The following EML6 variants were observed in gnomAD, a reference collection of about 807,000 sequenced individuals.
EML6 encodes the protein EMAP like 6.
In EML6, 154 loss-of-function variants were observed where a neutral mutation model predicts 240.1. That is an observed-to-expected ratio of 0.64 (90% CI 0.56 to 0.73). The LOEUF (loss-of-function observed/expected upper bound fraction) is 0.73. EML6 is among the 30% of genes least tolerant of loss of function. EML6 has a pLI of 0.00. For missense variants in EML6, 2,964 were observed against 2,474.6 expected (o/e 1.20, Z -4.20); for synonymous variants, 1,148 against 899.0 (o/e 1.28, Z -4.95).
intron 2 of EML6, among the ~76,000 whole-genome samples, chr2:54,782,742 T>C (rs1668906932): frequency 6.6e-6 from 1 of 151,908 alleles, no homozygotes; most frequent in East Asian, 1.9e-4. Context: ...CCCTCATTCA[T>C]TGTTCATCCC....
In EML6 at chr2:54,847,560, G is replaced by T; in HGVS notation, c.1124G>T (p.Ser375Ile). Reference protein sequence around the residue: ...MEEAVRSVAFSPDGSQLALGM... With the variant: ...MEEAVRSVAFIPDGSQLALGM... ...GAGGCGGTTCGCAGTGTAGCTTTCA[G>T]CCCCGACGGATCTCAGCTGGCCCTG... Residue 375 changes from serine to isoleucine, a missense_variant, in exon 9 of 42, where the codon AGC (serine) becomes ATC (isoleucine). Transcript: ENST00000356458. 1 of 1,552,318 alleles carries T rather than the reference G, an allele frequency of 6.4e-7. No homozygotes were observed. Among genetic ancestry groups the T allele is most frequent in the Non-Finnish European group, 8.7e-7 (1 of 1,147,128 alleles).
intron 24 of EML6, among the ~76,000 whole-genome samples, chr2:54,904,743 C>T (rs1048815169): frequency 3.9e-5 from 6 of 152,110 alleles, no homozygotes; most frequent in Admixed American, 1.3e-4. Flanking sequence ...AGGGATCTAG[C>T]GTGGGGCATT....
At chr2:54,811,424 CGT>C in intron 2 of EML6, among the ~76,000 whole-genome samples, 1 of 152,294 alleles carries the variant, frequency 6.6e-6, no homozygotes, top group East Asian at 1.9e-4. Flanking sequence ...CATATGAACT[CGT>C]GTCTTCCCTA....
At chr2:54,913,329 C>A (rs1051749466) in intron 25 of EML6, among the ~76,000 whole-genome samples, 2 of 151,354 alleles carry the variant, frequency 1.3e-5, no homozygotes, top group Non-Finnish European at 1.5e-5. Context: ...CTCACTGTAA[C>A]CTTGACTTGC....
rs552094228 is a variant in EML6, at chr2:54,822,854, AC to A, written c.525+2393del. Among the ~76,000 whole-genome samples, 6 of 152,330 alleles carry A rather than the reference AC, an allele frequency of 3.9e-5. No homozygotes were observed. The East Asian group carries it at 1.2e-3, about 29-fold the overall frequency. On this transcript the variant is annotated intron_variant, in intron 5 of 41. Coordinates refer to ENST00000356458, the MANE Select transcript of EML6 (RefSeq NM_001039753.4). ...ATAAGAAAAAATTTAAAAATGGAGA[AC>A]AAAAATTTTAGAGGTTCCACTACTC... is the stretch of plus-strand genomic sequence containing the variant.
intron 21 of EML6, 27 bp from the exon 22 acceptor site, chr2:54,899,614 T>C (rs750733976): frequency 1.9e-6 from 3 of 1,550,158 alleles, no homozygotes; most frequent in South Asian, 1.2e-5. Flanking sequence ...AAGTAGAGTT[T>C]ATGTTGCCCC....
At chr2:54,845,556 A>T (rs1669706692) in intron 8 of EML6, among the ~76,000 whole-genome samples, 1 of 152,202 alleles carries the variant, frequency 6.6e-6, no homozygotes, top group Non-Finnish European at 1.5e-5. Context: ...TAAAAGTCAT[A>T]ATTTCTTGAG....
chr2:54,903,370 G>A lies in EML6; in HGVS notation c.3278-1G>A. The A allele has an allele frequency of 6.4e-7, 1 of 1,551,044 alleles. No homozygotes were observed. The highest frequency in any genetic ancestry group is 8.7e-7 in the Non-Finnish European group (1 of 1,146,808). ...TGTTAACCCCACATTTTTCTTAACA[G>A]ATACGGGAAAATACCTTGCCGTGGC... On this transcript the variant is annotated splice_acceptor_variant, in intron 23 of 41. Coordinates refer to ENST00000356458, the MANE Select transcript of EML6 (RefSeq NM_001039753.4). LOFTEE classifies it high-confidence loss of function.
intron 14 of EML6, chr2:54,868,181 T>C (rs1671071155): frequency 6.6e-6 from 1 of 152,236 alleles, no homozygotes; most frequent in Admixed American, 6.5e-5. Context: ...AAATTTTTTT[T>C]TCTAATATGG....
chr2:54,962,411 G>A (rs904827722), intron 35 of EML6, 112 bp from the exon 36 acceptor site: 8 of 822,444 alleles, frequency 9.7e-6, no homozygotes, highest in African/African-American at 3.5e-5. Flanking sequence ...CCCATTCACC[G>A]GCAGTCATCA....
chr2:54,879,014 C>T (rs1416053277), intron 16 of EML6, among the ~76,000 whole-genome samples: 2 of 152,148 alleles, frequency 1.3e-5, no homozygotes, highest in East Asian at 1.9e-4. Flanking sequence ...ATTGTAAAAT[C>T]ATCTTTTGAA....
At chr2:54,782,787 T>C (rs1028793103) in intron 2 of EML6, among the ~76,000 whole-genome samples, 5 of 152,126 alleles carry the variant, frequency 3.3e-5, no homozygotes, top group African/African-American at 1.2e-4. Flanking sequence ...CTCTTACTCA[T>C]TGATTAAAGG....
At chr2:54,723,585 G>T (rs919043025), upstream of EML6, 3 of 152,346 alleles carry the variant, frequency 2.0e-5, no homozygotes, top group Admixed American at 6.5e-5. Flanking sequence ...ACCGGCAGCT[G>T]AGGTTCACTA....
chr2:54,740,692 C>T (rs1442772971), intron 2 of EML6, among the ~76,000 whole-genome samples: 1 of 149,082 alleles, frequency 6.7e-6, no homozygotes, highest in African/African-American at 2.5e-5. Flanking sequence ...TGACTTCTAT[C>T]TCTAGCAGAC....
At chr2:54,923,510 T>C (rs1324805780) in intron 26 of EML6, among the ~76,000 whole-genome samples, 2 of 152,112 alleles carry the variant, frequency 1.3e-5, no homozygotes, top group Non-Finnish European at 2.9e-5. Flanking sequence ...ATATATAAAA[T>C]TTTTGTTAAT....
intron 2 of EML6, among the ~76,000 whole-genome samples, chr2:54,743,107 G>A (rs1023450416): frequency 2.6e-5 from 4 of 152,186 alleles, no homozygotes; most frequent in East Asian, 1.9e-4. Context: ...TGATTTACTT[G>A]TTTATTCAGT....
chr2:54,928,522 C>G lies in EML6; in HGVS notation c.3877+8C>G, dbSNP rs976767107. 1.3e-6 allele frequency: 2 copies of G among 1,544,356 alleles called. No individual in the cohort carries two copies. Among genetic ancestry groups the G allele is most frequent in the Non-Finnish European group, 1.8e-6 (2 of 1,142,120 alleles). On this transcript the variant is annotated splice_region_variant and intron_variant, in intron 27 of 41. Transcript: ENST00000356458. The stretch of plus-strand genomic sequence containing the variant: ...ACGTGGAAGAGGATGGAGGTGAGCC[C>G]CCCACCTGCCACATGCCTCCTGCGC...
chr2:54,853,554 A>G lies in EML6; in HGVS notation c.1445-89A>G, dbSNP rs1049618611. On this transcript the variant is annotated intron_variant, in intron 10 of 41. Transcript: ENST00000356458. ...AAATATGTAGTTTTCTGTATTTACA[A>G]AAGTTTTCTTAAAGTTTCAGATCTT... 9.0e-6 allele frequency: 8 copies of G among 889,844 alleles called. No individual in the cohort carries two copies. In the African/African-American group the frequency reaches 1.2e-4, roughly 13 times the overall value. The allele number at this position is 889,844 out of a possible 1,614,324, so 55.1% of individuals were successfully genotyped here.
intron 28 of EML6, among the ~76,000 whole-genome samples, chr2:54,937,550 C>G (rs1434481053): frequency 2.2e-5 from 1 of 44,552 alleles, no homozygotes; most frequent in Non-Finnish European, 3.9e-5. Context: ...AAGACTCTGT[C>G]TTTAAAAAAA....
Sources: gnomAD v4.1 joint callset for allele counts (sites outside exome capture counted in the v4.1 genomes callset) on GRCh38, gnomAD v4.1.1 for gene constraint, MANE v1.5 for transcripts, NCBI Gene and HGNC (gene_info 2026-07-23, HGNC 2026-07-21) for gene names.